SHBG: variants seen among roughly 807,000 people sequenced by gnomAD.
SHBG encodes sex hormone-binding globulin.
A neutral mutation model predicts 41.9 loss-of-function variants in SHBG; 37 were observed. The observed-to-expected ratio is 0.88, with a 90% CI of 0.68 to 1.16. The LOEUF (loss-of-function observed/expected upper bound fraction) is 1.16, where lower values mean the gene tolerates loss of function less well. SHBG is among the 50% of genes most tolerant of loss of function. The pLI is 0.00. For missense variants in SHBG, 466 were observed against 499.9 expected (o/e 0.93, Z 0.65); for synonymous variants, 217 against 205.8 (o/e 1.05, Z -0.47).
chr17:7,629,463 T>C (rs2072330172), upstream of SHBG, among the ~76,000 whole-genome samples: 1 of 152,076 alleles, frequency 6.6e-6, no homozygotes, highest in Non-Finnish European at 1.5e-5. Flanking sequence ...TTAGGCCCTG[T>C]AATAAATGGA....
upstream of SHBG, chr17:7,629,962 A>G (rs1597916300): frequency 3.2e-6 from 2 of 630,328 alleles, no homozygotes; most frequent in Non-Finnish European, 5.8e-6. Flanking sequence ...AGTGGAGGGG[A>G]CTCTGTCCTT....
At chr17:7,619,082 G>A (rs1279625815) in intron 1 of SHBG, among the ~76,000 whole-genome samples, 2 of 152,066 alleles carry the variant, frequency 1.3e-5, no homozygotes, top group Non-Finnish European at 2.9e-5. Flanking sequence ...ACGTGTATTC[G>A]TATAATCATA....
rs1055966219 is a variant in SHBG, at chr17:7,616,623, TCAA to T, written c.-62+2528_-62+2530del. The stretch of plus-strand genomic sequence containing the variant: ...TGGGGCGACAGAGCGAGACTCCATC[TCAA>T]CAACAACAACAACAAATAATAATAA... On this transcript the variant is annotated intron_variant, in intron 1 of 5. Transcript: ENST00000570547. Among the ~76,000 whole-genome samples the T allele has an allele frequency of 1.4e-4, 20 of 143,910 alleles. No individual in the cohort carries two copies. In the East Asian group the frequency reaches 3.8e-3, roughly 27 times the overall value. The allele number at this position is 143,910 out of a possible 152,430, so 94.4% of individuals were successfully genotyped here. A position where few individuals can be genotyped will look rare whatever the true frequency, so the allele number is the denominator to read the frequency against.
At position 7,632,768 on chromosome 17, in the gene SHBG, C is replaced by T; in HGVS notation, c.869C>T (p.Ser290Phe). The change falls in exon 7 of 8, where the codon TCT becomes TTT. Residue 290 changes from serine (S) to phenylalanine (F), a missense_variant. Transcript: ENST00000380450. ...HLQDQKVVLS[S>F]GSGPGLDLPL... ...ACTCTGCAGAAGGTGGTGTTGTCTT[C>T]TGGGTCGGGGCCAGGGCTGGATCTG... 6.2e-7 allele frequency: 1 copy of T among 1,613,744 alleles called. No homozygotes were observed. Among genetic ancestry groups the T allele is most frequent in the Non-Finnish European group, 8.5e-7 (1 of 1,179,912 alleles).
At chr17:7,633,014 G>C (rs1567769164) in intron 7 of SHBG, 55 bp downstream of exon 7, 2 of 1,533,512 alleles carry the variant, frequency 1.3e-6, no homozygotes, top group African/African-American at 2.7e-5. Flanking sequence ...CAGCTCAAGG[G>C]AGGCGGCACA....
intron 1 of SHBG, among the ~76,000 whole-genome samples, chr17:7,621,040 G>A (rs1290842897): frequency 1.4e-5 from 2 of 138,512 alleles, no homozygotes; most frequent in African/African-American, 5.4e-5. Flanking sequence ...AGGTTGCAGT[G>A]AGCCATGATC....
chr17:7,620,084 CT>C (rs2072062928), intron 1 of SHBG, among the ~76,000 whole-genome samples: 1 of 148,124 alleles, frequency 6.8e-6, no homozygotes, highest in Non-Finnish European at 1.5e-5. Context: ...GAAAAAGACC[CT>C]GTCTCTAAAA....
chr17:7,627,654 G>A, upstream of SHBG: 1 of 1,613,948 alleles, frequency 6.2e-7, no homozygotes, highest in Non-Finnish European at 8.5e-7. This position sits in a 1 kb window ranked among gnomAD's most constrained non-coding sequence, Gnocchi z 4.8. Context: ...CCGCTGTCTG[G>A]GACCAAAGTC....
At chr17:7,619,257 G>T (rs2072046740) in intron 1 of SHBG, among the ~76,000 whole-genome samples, 1 of 151,836 alleles carries the variant, frequency 6.6e-6, no homozygotes, top group Non-Finnish European at 1.5e-5. Context: ...AGGTGTGGTG[G>T]CACATGCCTG....
At chr17:7,624,158 G>A (rs978446865), upstream of SHBG, among the ~76,000 whole-genome samples, 2 of 151,840 alleles carry the variant, frequency 1.3e-5, no homozygotes, top group South Asian at 4.2e-4. Flanking sequence ...CACCCTGTTC[G>A]CCAGGCTGGT....
rs559727826 is a variant in SHBG, at chr17:7,630,205, C to A, written c.33C>A (p.Arg11=). Reference sequence around the variant, plus strand: ...GCAGAGGCCCACTGGCTACCTCGCGCCTGCTGCTGTTGCTGCTGTTGCTAC... The same window carrying A: ...GCAGAGGCCCACTGGCTACCTCGCGACTGCTGCTGTTGCTGCTGTTGCTAC... MESRGPLATS[R]LLLLLLLLLL... Residue 11 remains arginine (R), a synonymous_variant, in exon 1 of 8, where the codon CGC becomes CGA. Transcript: ENST00000380450. This position sits in a 1 kb window ranked among gnomAD's most constrained non-coding sequence, Gnocchi z 4.6. The A allele has an allele frequency of 1.2e-6, 2 of 1,613,722 alleles. No individual in the cohort carries two copies. The highest frequency in any genetic ancestry group is 4.5e-5 in the East Asian group (2 of 44,868).
At chr17:7,632,657 G>T in intron 6 of SHBG, 95 bp from the exon 7 acceptor site, 1 of 953,644 alleles carries the variant, frequency 1.0e-6, no homozygotes. Context: ...ATAGCGAAGA[G>T]GCAGAATTAA....
At chr17:7,619,671 A>T (rs1216977535) in intron 1 of SHBG, among the ~76,000 whole-genome samples, 1 of 150,980 alleles carries the variant, frequency 6.6e-6, no homozygotes, top group Non-Finnish European at 1.5e-5. Context: ...AGATCATGCC[A>T]TTGCACTCCA....
At chr17:7,633,131 A>G in intron 7 of SHBG, 73 bp from the exon 8 acceptor site, 4 of 1,575,532 alleles carry the variant, frequency 2.5e-6, no homozygotes, top group Non-Finnish European at 3.5e-6. Context: ...GGAGGAGTGG[A>G]AAAGTGGGGA....
Position 7,633,189 on chromosome 17 carries a change from A to C in SHBG, c.1061-15A>C, listed in dbSNP as rs1186025737. The C allele has an allele frequency of 6.2e-7, 1 of 1,613,966 alleles. No individual in the cohort carries two copies. Among genetic ancestry groups the C allele is most frequent in the Non-Finnish European group, 8.5e-7 (1 of 1,179,956 alleles). ...CTTAATGCTCTAATGCCACCTTTGC[A>C]CTACCTCCCTCTAGGAGAAGACTCT... On this transcript the variant is annotated splice_polypyrimidine_tract_variant and intron_variant, in intron 7 of 7. Coordinates refer to ENST00000380450, the MANE Select transcript of SHBG (RefSeq NM_001040.5).
At chr17:7,624,027 C>T (rs780232213), upstream of SHBG, among the ~76,000 whole-genome samples, 4 of 152,214 alleles carry the variant, frequency 2.6e-5, no homozygotes, top group Non-Finnish European at 5.9e-5. Flanking sequence ...TCTCGGCTCA[C>T]TGCAAACTCC....
intron 1 of SHBG, among the ~76,000 whole-genome samples, chr17:7,619,866 TA>T (rs1455856782): frequency 1.3e-5 from 2 of 152,050 alleles, no homozygotes; most frequent in Non-Finnish European, 2.9e-5. Flanking sequence ...GCAAAGCCAA[TA>T]GCTAATGCCT....
Position 7,618,834 on chromosome 17 carries a change from C to G in SHBG, c.-62+4723C>G, listed in dbSNP as rs139238008. Among the ~76,000 whole-genome samples the G allele has an allele frequency of 1.0e-3, 153 of 152,240 alleles. 1 individual carries two copies. Among genetic ancestry groups the G allele is most frequent in the African/African-American group, 3.4e-3 (143 of 41,542 alleles). On this transcript the variant is annotated intron_variant, in intron 1 of 5. Transcript: ENST00000570547. Reference sequence around the variant, plus strand: ...GATCCCAATTGCGCAGCCTCAAGATCGCCTCTCTGGACTGGAGCAGGTCTA... The same window carrying G: ...GATCCCAATTGCGCAGCCTCAAGATGGCCTCTCTGGACTGGAGCAGGTCTA...
Position 7,633,260 on chromosome 17 carries a change from C to T in SHBG, c.1117C>T (p.Leu373=). 1.2e-6 allele frequency: 2 copies of T among 1,614,146 alleles called. No individual in the cohort carries two copies. The highest frequency in any genetic ancestry group is 1.7e-6 in the Non-Finnish European group (2 of 1,180,014). ...LNGLWAQGQR[L]DVDQALNRSH... is the part of the protein sequence containing the mutation. ...TGGCCTTTGGGCACAAGGTCAGAGGCTGGATGTGGACCAGGCCCTGAACAG... is the reference window on the plus strand; with the variant it reads ...TGGCCTTTGGGCACAAGGTCAGAGGTTGGATGTGGACCAGGCCCTGAACAG... Residue 373 remains leucine (L), a synonymous_variant, in exon 8 of 8, where the codon CTG becomes TTG. Coordinates refer to ENST00000380450, the MANE Select transcript of SHBG (RefSeq NM_001040.5).
Sources: gnomAD v4.1 joint callset for allele counts (sites outside exome capture counted in the v4.1 genomes callset) on GRCh38, gnomAD v4.1.1 for gene constraint, Gnocchi (gnomAD v3.1) non-coding constraint, MANE v1.5 for transcripts, NCBI Gene and HGNC (gene_info 2026-07-23, HGNC 2026-07-21) for gene names.